NWD2: variants seen among roughly 807,000 people sequenced by gnomAD.
The protein encoded by NWD2 is NACHT and WD repeat domain-containing protein 2.
A neutral mutation model predicts 132.7 loss-of-function variants in NWD2; 37 were observed. The observed-to-expected ratio is 0.28, with a 90% CI of 0.21 to 0.37. NWD2 has a LOEUF of 0.37. NWD2 is among the 10% of genes least tolerant of loss of function. The pLI, the probability that NWD2 is intolerant of heterozygous loss-of-function variation, is 1.00. For missense variants in NWD2, 1,592 were observed against 2,122.4 expected (o/e 0.75, Z 4.91); for synonymous variants, 705 against 803.0 (o/e 0.88, Z 2.06).
At chr4:37,357,382 A>G (rs1342721082) in intron 3 of NWD2, among the ~76,000 whole-genome samples, 2 of 152,266 alleles carry the variant, frequency 1.3e-5, no homozygotes, top group African/African-American at 4.8e-5. Context: ...GCATAGGATT[A>G]GGAAGACCTA....
At chr4:37,296,088 A>C (rs1364279865) in intron 1 of NWD2, among the ~76,000 whole-genome samples, 2 of 152,146 alleles carry the variant, frequency 1.3e-5, no homozygotes, top group Non-Finnish European at 2.9e-5. Context: ...CTCATACCAC[A>C]AACAGGTGCC....
chr4:37,441,980 A>G (rs917774418), intron 6 of NWD2, among the ~76,000 whole-genome samples: 7 of 152,306 alleles, frequency 4.6e-5, no homozygotes, highest in Non-Finnish European at 8.8e-5. Flanking sequence ...TAAGCAATCA[A>G]TGTAGAAACA....
At chr4:37,272,187 T>C (rs972041992) in intron 1 of NWD2, among the ~76,000 whole-genome samples, 2 of 151,776 alleles carry the variant, frequency 1.3e-5, no homozygotes, top group Admixed American at 1.3e-4. Flanking sequence ...CCTTTTTATA[T>C]ATTGCTGTGT....
At chr4:37,368,528 G>A (rs973376807) in intron 3 of NWD2, among the ~76,000 whole-genome samples, 7 of 152,072 alleles carry the variant, frequency 4.6e-5, no homozygotes, top group African/African-American at 7.2e-5. Flanking sequence ...GTGTGCGTGC[G>A]GCTAAATATG....
intron 2 of NWD2, among the ~76,000 whole-genome samples, chr4:37,348,242 T>C (rs542833865): frequency 6.6e-6 from 1 of 152,318 alleles, no homozygotes; most frequent in East Asian, 1.9e-4. Context: ...GCCTAGTTCT[T>C]TAATATTCAA....
At chr4:37,412,049 G>A (rs1233593787) in intron 3 of NWD2, among the ~76,000 whole-genome samples, 1 of 152,142 alleles carries the variant, frequency 6.6e-6, no homozygotes, top group African/African-American at 2.4e-5. Context: ...GCAAAAACTG[G>A]AAGCATTCCC....
chr4:37,274,151 TC>T (rs1298121570), intron 1 of NWD2, among the ~76,000 whole-genome samples: 10 of 152,076 alleles, frequency 6.6e-5, no homozygotes, highest in African/African-American at 2.4e-4. Flanking sequence ...AGCTGTTTTT[TC>T]TTAAAGATCA....
chr4:37,341,950 C>G (rs1204022305), intron 2 of NWD2, among the ~76,000 whole-genome samples: 1 of 152,094 alleles, frequency 6.6e-6, no homozygotes, highest in African/African-American at 2.4e-5. Context: ...CTTTAGGGAG[C>G]TGAAGTCATA....
intron 1 of NWD2, among the ~76,000 whole-genome samples, chr4:37,282,482 G>C (rs981956701): frequency 6.6e-6 from 1 of 152,122 alleles, no homozygotes; most frequent in Non-Finnish European, 1.5e-5. Flanking sequence ...ATAGTAAACT[G>C]TCTCCCTGTT....
chr4:37,421,678 T>C (rs1196723699), intron 3 of NWD2, among the ~76,000 whole-genome samples: 3 of 152,220 alleles, frequency 2.0e-5, no homozygotes, highest in Admixed American at 6.5e-5. Context: ...TTAGACGAAA[T>C]TGGTAAATTA....
intron 3 of NWD2, among the ~76,000 whole-genome samples, chr4:37,373,696 G>C (rs1720280122): frequency 6.6e-6 from 1 of 152,140 alleles, no homozygotes; most frequent in Non-Finnish European, 1.5e-5. Flanking sequence ...TAGGTGAAAG[G>C]ACATCAATTT....
chr4:37,253,442 C>T (rs1295247010), intron 1 of NWD2, among the ~76,000 whole-genome samples: 1 of 152,188 alleles, frequency 6.6e-6, no homozygotes, highest in Non-Finnish European at 1.5e-5. Context: ...TGAAGCCATG[C>T]TCCCCGGAAC....
chr4:37,253,179 T>C (rs1027080518), intron 1 of NWD2, among the ~76,000 whole-genome samples: 1 of 152,188 alleles, frequency 6.6e-6, no homozygotes, highest in Non-Finnish European at 1.5e-5. Flanking sequence ...ACTCAGTAAA[T>C]AGCACCCTTC....
At chr4:37,323,753 G>A (rs1413159642) in intron 1 of NWD2, among the ~76,000 whole-genome samples, 1 of 151,876 alleles carries the variant, frequency 6.6e-6, no homozygotes, top group Non-Finnish European at 1.5e-5. Context: ...GCTCATTGCT[G>A]CACTGTTCAC....
At position 37,447,280 on chromosome 4, in the gene NWD2, C is replaced by A; in HGVS notation, c.*63C>A. On this transcript the variant is annotated 3_prime_UTR_variant, in exon 7 of 7. Transcript: ENST00000309447. ...CGTACAGAAGGGAAAAAAATGTGCC[C>A]CAAATGATAAACTATTCATTTATTA... The A allele has an allele frequency of 8.0e-7, 1 of 1,244,524 alleles. No homozygotes were observed. Among genetic ancestry groups the A allele is most frequent in the Non-Finnish European group, 1.1e-6 (1 of 902,592 alleles). 77.1% of individuals were successfully genotyped at this position (1,244,524 alleles called of 1,614,324 possible).
intron 2 of NWD2, among the ~76,000 whole-genome samples, chr4:37,351,712 C>T (rs1399463132): frequency 6.6e-6 from 1 of 152,082 alleles, no homozygotes; most frequent in East Asian, 1.9e-4. Context: ...TTCTTGTCTT[C>T]TGCTGGCTTT....
At chr4:37,245,980 C>T (rs1717236735) in intron 1 of NWD2, among the ~76,000 whole-genome samples, 2 of 152,182 alleles carry the variant, frequency 1.3e-5, no homozygotes, top group South Asian at 2.1e-4. Flanking sequence ...AATCCTGGCT[C>T]ATCACTACCT....
At chr4:37,297,388 G>A (rs1458341926) in intron 1 of NWD2, among the ~76,000 whole-genome samples, 1 of 151,952 alleles carries the variant, frequency 6.6e-6, no homozygotes, top group African/African-American at 2.4e-5. Flanking sequence ...GTGATTGGTT[G>A]AATCTGTAAA....
chr4:37,414,337 G>C (rs1303341925), intron 3 of NWD2, among the ~76,000 whole-genome samples: 3 of 151,950 alleles, frequency 2.0e-5, no homozygotes, highest in African/African-American at 7.3e-5. Context: ...TTTTGAGCAT[G>C]TATGAAAGTT....
Sources: gnomAD v4.1 joint callset for allele counts (sites outside exome capture counted in the v4.1 genomes callset) on GRCh38, gnomAD v4.1.1 for gene constraint, MANE v1.5 for transcripts, NCBI Gene and HGNC (gene_info 2026-07-23, HGNC 2026-07-21) for gene names.